The following PPP6R3 variants were observed in gnomAD, a reference collection of about 807,000 sequenced individuals.
The protein encoded by PPP6R3 is serine/threonine-protein phosphatase 6 regulatory subunit 3.
Under a neutral mutation model 110.7 loss-of-function variants are expected in PPP6R3, and 38 were observed. That is an observed-to-expected ratio of 0.34 (90% CI 0.26 to 0.45). The LOEUF is 0.45. Among genes scored for constraint, PPP6R3 ranks in the 20% least tolerant of loss-of-function variants. The pLI is 1.00. For missense variants in PPP6R3, 870 were observed against 1,062.4 expected, an observed-to-expected ratio of 0.82 and a Z score of 2.52; for synonymous variants, 369 against 373.5, an observed-to-expected ratio of 0.99 and a Z score of 0.14.
intron 22 of PPP6R3, among the ~76,000 whole-genome samples, chr11:68,608,940 T>C (rs1180138709): frequency 6.6e-6 from 1 of 152,176 alleles, no homozygotes; most frequent in Non-Finnish European, 1.5e-5. Flanking sequence ...CTAAATCATA[T>C]GATTTTAACT....
chr11:68,470,030 A>G (rs1180058005), intron 1 of PPP6R3, among the ~76,000 whole-genome samples: 2 of 152,170 alleles, frequency 1.3e-5, no homozygotes, highest in Non-Finnish European at 2.9e-5. Flanking sequence ...TGTTTCTGTG[A>G]TCCTTTTATT....
At chr11:68,481,404 C>T (rs545414295) in intron 1 of PPP6R3, among the ~76,000 whole-genome samples, 1 of 152,192 alleles carries the variant, frequency 6.6e-6, no homozygotes, top group African/African-American at 2.4e-5. Flanking sequence ...TAAGAACTAA[C>T]TGCCTTGAAT....
intron 4 of PPP6R3, 114 bp downstream of exon 4, chr11:68,545,138 G>A (rs1592878556): frequency 4.1e-6 from 3 of 725,320 alleles, no homozygotes; most frequent in East Asian, 5.5e-5. Flanking sequence ...GGTTGTATAA[G>A]AGAATGTATT....
intron 3 of PPP6R3, among the ~76,000 whole-genome samples, chr11:68,543,199 G>A (rs1006133239): frequency 1.3e-4 from 20 of 152,172 alleles, no homozygotes; most frequent in Non-Finnish European, 1.9e-4. Flanking sequence ...ACTTGTCCAA[G>A]GTTATACAGC....
chr11:68,605,869 G>A (rs564748370), intron 22 of PPP6R3, among the ~76,000 whole-genome samples: 3 of 152,282 alleles, frequency 2.0e-5, no homozygotes, highest in East Asian at 3.9e-4. Context: ...ATGCTATTTC[G>A]TGCTCACCAG....
At chr11:68,505,679 T>A (rs916850609) in intron 1 of PPP6R3, among the ~76,000 whole-genome samples, 6 of 152,164 alleles carry the variant, frequency 3.9e-5, no homozygotes, top group Non-Finnish European at 7.4e-5. Flanking sequence ...AATTTAAAAT[T>A]CAGCTCCCAG....
In PPP6R3 at chr11:68,613,707, A is replaced by G; in HGVS notation, c.*590A>G. On this transcript the variant is annotated 3_prime_UTR_variant, in exon 24 of 24. Coordinates refer to ENST00000393800, the MANE Select transcript of PPP6R3 (RefSeq NM_001164161.2). Reference sequence around the variant, plus strand: ...TTTTTGATTGGTAATTGTTTTCTGTATTGTTTAAAACGGATCAAAAATGTA... The same window carrying G: ...TTTTTGATTGGTAATTGTTTTCTGTGTTGTTTAAAACGGATCAAAAATGTA... 1 of 982,284 alleles carries G rather than the reference A, an allele frequency of 1.0e-6. No homozygotes were observed. The highest frequency in any genetic ancestry group is 1.2e-6 in the Non-Finnish European group (1 of 826,698). The allele number at this position is 982,284 out of a possible 1,614,324, so 60.8% of individuals were successfully genotyped here.
chr11:68,552,677 G>A (rs1049634498), intron 6 of PPP6R3, among the ~76,000 whole-genome samples: 11 of 152,184 alleles, frequency 7.2e-5, no homozygotes, highest in African/African-American at 2.2e-4. Flanking sequence ...TGTGCAGGCC[G>A]TGGAGAGCCA....
intron 13 of PPP6R3, among the ~76,000 whole-genome samples, chr11:68,574,886 C>T (rs1158124687): frequency 6.6e-6 from 1 of 152,206 alleles, no homozygotes; most frequent in Non-Finnish European, 1.5e-5. Flanking sequence ...TGAATGTGAA[C>T]AGTCTTTAAC....
Position 68,614,265 on chromosome 11 carries a change from T to TACTA in PPP6R3, c.*1150_*1153dup. Reference sequence around the variant, plus strand: ...TGTGTATATATATAGTGATTATGGATACTAATTCAATGTAATTTATAATTT... The same window carrying TACTA: ...TGTGTATATATATAGTGATTATGGATACTAACTAATTCAATGTAATTTATAATTT... On this transcript the variant is annotated 3_prime_UTR_variant, in exon 24 of 24. Coordinates refer to ENST00000393800, the MANE Select transcript of PPP6R3 (RefSeq NM_001164161.2). 9.7e-7 allele frequency: 1 copy of TACTA among 1,033,608 alleles called. No homozygotes were observed. Among genetic ancestry groups the TACTA allele is most frequent in the Non-Finnish European group, 1.2e-6 (1 of 859,428 alleles). 64.0% of individuals were successfully genotyped at this position (1,033,608 alleles called of 1,614,324 possible).
chr11:68,591,808 A>G, intron 18 of PPP6R3, 102 bp downstream of exon 18: 2 of 1,352,564 alleles, frequency 1.5e-6, no homozygotes. Flanking sequence ...ATGTTAACCC[A>G]GAAACCAGTG....
chr11:68,549,564 C>G (rs1242818321), intron 5 of PPP6R3, among the ~76,000 whole-genome samples: 1 of 152,016 alleles, frequency 6.6e-6, no homozygotes, highest in Non-Finnish European at 1.5e-5. Context: ...ACACCTGTTT[C>G]CTTTTGGGTG....
Position 68,537,711 on chromosome 11 carries a change from T to C in PPP6R3, c.47T>C (p.Leu16Pro). Residue 16 changes from leucine (L) to proline (P), a missense_variant, in exon 3 of 24, where the codon CTT becomes CCT. By Grantham distance (98) the Leu-to-Pro change is moderately conservative. Coordinates refer to ENST00000393800, the MANE Select transcript of PPP6R3 (RefSeq NM_001164161.2). The stretch of plus-strand genomic sequence containing the variant: ...CACTCATCATCCCACATAGACACAC[T>C]TCTAGAAAGAGAAGATGTAACACTG... ...DLHSSSHIDT[L>P]LEREDVTLKE... The C allele has an allele frequency of 6.2e-7, 1 of 1,613,128 alleles. No homozygotes were observed.
intron 3 of PPP6R3, among the ~76,000 whole-genome samples, chr11:68,539,575 C>T (rs1156800144): frequency 6.6e-6 from 1 of 152,174 alleles, no homozygotes; most frequent in Non-Finnish European, 1.5e-5. Flanking sequence ...AGAGTCACCA[C>T]CTGTGTGTAA....
rs1401321004 is a variant in PPP6R3 at position 68,591,581 on chromosome 11, T to C, written c.1791T>C (p.Asn597=). 1.3e-6 allele frequency: 2 copies of C among 1,593,048 alleles called. No individual in the cohort carries two copies. The highest frequency in any genetic ancestry group is 1.7e-6 in the Non-Finnish European group (2 of 1,172,508). The part of the protein sequence containing the change: ...NFTLNTNESG[N]IALFEACCKE... ...TTCCTCTCATTTTTATTTAGGGAAA[T>C]ATTGCCTTGTTTGAAGCATGTTGTA... The change falls in exon 18 of 24, where the codon AAT becomes AAC. Residue 597 remains asparagine (N), a synonymous_variant. Transcript: ENST00000393800.
In PPP6R3 at chr11:68,491,354, G is replaced by GT. The variant is rs1050948348; in HGVS notation, c.-157-28146dup. Among the ~76,000 whole-genome samples, 21 of 150,838 alleles carry GT rather than the reference G, an allele frequency of 1.4e-4. No individual in the cohort carries two copies. The East Asian group carries it at 3.9e-3, about 28-fold the overall frequency. ...TGTGTGTGTGTGTGTGTGTGTGTGT[G>GT]TGTGTGTGTGTGTGTGTGTGTGTGT... On this transcript the variant is annotated intron_variant, in intron 1 of 23. Transcript: ENST00000393800.
chr11:68,568,965 C>T (rs913377668), intron 10 of PPP6R3, among the ~76,000 whole-genome samples: 3 of 151,976 alleles, frequency 2.0e-5, no homozygotes, highest in Non-Finnish European at 2.9e-5. Flanking sequence ...GGGGTTTCAC[C>T]GTGTTAGGAT....
chr11:68,582,124 C>T (rs939221421), intron 14 of PPP6R3, among the ~76,000 whole-genome samples: 3 of 152,156 alleles, frequency 2.0e-5, no homozygotes, highest in South Asian at 2.1e-4. Context: ...AGCAGCAGCC[C>T]GTGTCTTCCC....
intron 23 of PPP6R3, 83 bp downstream of exon 23, chr11:68,610,106 G>A: frequency 2.6e-6 from 4 of 1,551,672 alleles, no homozygotes; most frequent in Non-Finnish European, 3.5e-6. Flanking sequence ...GGGACTATAG[G>A]GATCGTTTAC....
Sources: allele counts gnomAD v4.1 joint callset (sites outside exome capture counted in the v4.1 genomes callset), GRCh38; gene constraint gnomAD v4.1.1; transcripts MANE v1.5; gene names NCBI Gene and HGNC (gene_info 2026-07-23, HGNC 2026-07-21).